The following ELFN1 variants were observed in gnomAD, a reference collection of about 807,000 sequenced individuals.
The protein encoded by ELFN1 is protein ELFN1.
In ELFN1, 6 loss-of-function variants were observed where a neutral mutation model predicts 7.6. That is an observed-to-expected ratio of 0.79 (90% CI 0.43 to 1.56). The LOEUF (loss-of-function observed/expected upper bound fraction) is 1.56. ELFN1 is among the 40% of genes most tolerant of loss of function. The pLI is 0.01. For synonymous variants in ELFN1, 657 were observed against 588.1 expected, an observed-to-expected ratio of 1.12 and a Z score of -1.70; for missense variants, 1,169 against 1,232.2, an observed-to-expected ratio of 0.95 and a Z score of 0.77.
At chr7:1,734,174 C>T (rs1780383708) in intron 3 of ELFN1, among the ~76,000 whole-genome samples, 1 of 152,260 alleles carries the variant, frequency 6.6e-6, no homozygotes, top group Middle Eastern at 3.4e-3. Context: ...GCCAGGCATC[C>T]TTGGACACCT....
intron 1 of ELFN1, among the ~76,000 whole-genome samples, chr7:1,684,238 C>T (rs993041865): frequency 6.6e-6 from 1 of 152,164 alleles, no homozygotes; most frequent in Non-Finnish European, 1.5e-5. Flanking sequence ...TTACTGTTTG[C>T]ATGTATATCT....
At chr7:1,670,141 G>C (rs2128572009), upstream of ELFN1, among the ~76,000 whole-genome samples, 1 of 148,662 alleles carries the variant, frequency 6.7e-6, no homozygotes, top group African/African-American at 2.5e-5. This position sits in a 1 kb window ranked among gnomAD's most constrained non-coding sequence, Gnocchi z 6.4. Context: ...GAGGGAGCGA[G>C]GGAGGGAGAG....
chr7:1,675,451 C>G (rs1213143458), intron 1 of ELFN1, among the ~76,000 whole-genome samples: 2 of 152,270 alleles, frequency 1.3e-5, no homozygotes, highest in Admixed American at 6.5e-5. Flanking sequence ...AGATGATTGA[C>G]AGCCTGGAGG....
chr7:1,738,262 G>GTGA (rs1256892191), intron 3 of ELFN1, among the ~76,000 whole-genome samples: 1 of 152,192 alleles, frequency 6.6e-6, no homozygotes, highest in Non-Finnish European at 1.5e-5. Flanking sequence ...CTCCATCTGG[G>GTGA]TGAGGGGCGT....
chr7:1,746,874 C>A lies in ELFN1; in HGVS notation c.2278C>A (p.Leu760Met). 6.5e-7 allele frequency: 1 copy of A among 1,543,612 alleles called. No homozygotes were observed. Among genetic ancestry groups the A allele is most frequent in the Non-Finnish European group, 8.7e-7 (1 of 1,143,376 alleles). ...YSQLSPQYHS[L>M]SYSSSPEYTC... Reference sequence around the variant, plus strand: ...GCAGCTGTCCCCGCAGTACCACAGCCTGAGCTACTCCTCCAGCCCCGAGTA... The same window carrying A: ...GCAGCTGTCCCCGCAGTACCACAGCATGAGCTACTCCTCCAGCCCCGAGTA... The change falls in exon 4 of 4, where the codon CTG becomes ATG. Residue 760 changes from leucine (L) to methionine (M), a missense_variant. Around this residue, in one of 2 missense-constraint regions of ELFN1, gnomAD observed 914 missense variants for 872.6 expected, o/e 1.05. Transcript: ENST00000424383.
At chr7:1,741,805 C>A (rs143837634) in intron 3 of ELFN1, among the ~76,000 whole-genome samples, 1 of 152,176 alleles carries the variant, frequency 6.6e-6, no homozygotes, top group Non-Finnish European at 1.5e-5. Flanking sequence ...GCCACCCACA[C>A]CTGCCTCCAC....
At chr7:1,707,013 G>A (rs982262715) in intron 2 of ELFN1, among the ~76,000 whole-genome samples, 15 of 152,342 alleles carry the variant, frequency 9.8e-5, no homozygotes, top group East Asian at 5.8e-4. Context: ...TGCAACACAC[G>A]TACACGTGTA....
At chr7:1,687,174 T>C (rs922283062) in intron 1 of ELFN1, among the ~76,000 whole-genome samples, 1 of 152,134 alleles carries the variant, frequency 6.6e-6, no homozygotes, top group African/African-American at 2.4e-5. Context: ...ACTCCACAGA[T>C]TCCCCCTGTC....
At chr7:1,669,275 T>C (rs562367059), upstream of ELFN1, among the ~76,000 whole-genome samples, 5 of 146,072 alleles carry the variant, frequency 3.4e-5, no homozygotes, top group Admixed American at 3.4e-4. Context: ...GCCCAGCTGC[T>C]GGCGGCGAGC....
rs1778815010 is a variant in ELFN1, at chr7:1,673,829, CAAGT to C, written c.-549+3479_-549+3482del. On this transcript the variant is annotated intron_variant, in intron 1 of 3. Coordinates refer to ENST00000424383, the MANE Select transcript of ELFN1 (RefSeq NM_001128636.4). The surrounding 1 kb of genome is among the most constrained non-coding windows in gnomAD (Gnocchi z 4.7). ...TCCAGCATCGCCCGAGGTCACACAG[CAAGT>C]AAGCTGGAGCTGTGGCTGGACCAGG... 1.3e-5 allele frequency among the ~76,000 whole-genome samples: 2 copies of C among 152,326 alleles called. No individual in the cohort carries two copies. The highest frequency in any genetic ancestry group is 3.9e-4 in the East Asian group (2 of 5,188).
intron 1 of ELFN1, among the ~76,000 whole-genome samples, chr7:1,677,444 A>G (rs1778892708): frequency 6.6e-6 from 1 of 152,194 alleles, no homozygotes; most frequent in African/African-American, 2.4e-5. Context: ...CCAAGTGAAT[A>G]TGGGAGCAGG....
At position 1,728,903 on chromosome 7, in the gene ELFN1, T is replaced by TCATCATCTCATGATGTC. The variant is rs572134373; in HGVS notation, c.-293-15385_-293-15369dup. On this transcript the variant is annotated intron_variant, in intron 3 of 3. Coordinates refer to ENST00000424383, the MANE Select transcript of ELFN1 (RefSeq NM_001128636.4). ...CATCTCACTGTCGTGATGGTCCTGT[T>TCATCATCTCATGATGTC]CATCATCTCATGATGTCCATCATCT... Among the ~76,000 whole-genome samples the TCATCATCTCATGATGTC allele has an allele frequency of 6.1e-4, 93 of 152,284 alleles. No individual in the cohort carries two copies. The East Asian group carries it at 0.015, about 25-fold the overall frequency.
At chr7:1,701,048 G>T (rs1779416164) in intron 2 of ELFN1, among the ~76,000 whole-genome samples, 2 of 152,088 alleles carry the variant, frequency 1.3e-5, no homozygotes, top group Admixed American at 1.3e-4. Context: ...TTAATACTTT[G>T]CATGATGTAT....
rs1308554341 is a variant in ELFN1 at position 1,746,426 on chromosome 7, C to T, written c.1830C>T (p.Gly610=). The change falls in exon 4 of 4, where the codon GGC becomes GGT. Residue 610 remains glycine, a synonymous_variant. Transcript: ENST00000424383. ...CCGAGCCGCTGGCCGCCAAGCACGG[C>T]TTCCTGGCGCCCGGGTACAAGGACG... ...LLSEPLAAKH[G]FLAPGYKDAF... is the part of the protein sequence containing the mutation. 6.5e-7 allele frequency: 1 copy of T among 1,532,430 alleles called. No homozygotes were observed. Among genetic ancestry groups the T allele is most frequent in the South Asian group, 1.2e-5 (1 of 83,552 alleles). 94.9% of individuals were successfully genotyped at this position (1,532,430 alleles called of 1,614,324 possible).
At chr7:1,691,044 C>G (rs1284139740) in intron 2 of ELFN1, among the ~76,000 whole-genome samples, 5 of 151,638 alleles carry the variant, frequency 3.3e-5, no homozygotes, top group Admixed American at 3.3e-4. Context: ...TAGAAGTCCC[C>G]CAGGTAAAGA....
chr7:1,697,829 G>T (rs1779350203), intron 2 of ELFN1, among the ~76,000 whole-genome samples: 1 of 152,178 alleles, frequency 6.6e-6, no homozygotes, highest in South Asian at 2.1e-4. Context: ...CTTTCGCCCA[G>T]GCTGGAGTGC....
At chr7:1,684,153 A>C (rs558556506) in intron 1 of ELFN1, among the ~76,000 whole-genome samples, 39 of 152,260 alleles carry the variant, frequency 2.6e-4, no homozygotes, top group East Asian at 1.5e-3. Context: ...CTGTCTCCCC[A>C]AAAAAATTTT....
rs1378601226 is a variant in ELFN1, at chr7:1,705,667, CT to C, written c.-455-3423del. ...CTGTCCCTCTGGGCCCTTGCCCTTT[CT>C]GGCCCTGCCCTTTCTGGCTCATGGC... On this transcript the variant is annotated intron_variant, in intron 2 of 3. Transcript: ENST00000424383. The surrounding 1 kb of genome is among the most constrained non-coding windows in gnomAD (Gnocchi z 4.3). Among the ~76,000 whole-genome samples the C allele has an allele frequency of 6.6e-6, 1 of 152,244 alleles. No individual in the cohort carries two copies. Among genetic ancestry groups the C allele is most frequent in the Non-Finnish European group, 1.5e-5 (1 of 68,050 alleles).
intron 3 of ELFN1, among the ~76,000 whole-genome samples, 198 bp downstream of exon 3, chr7:1,709,450 G>T (rs887643932): frequency 9.9e-5 from 15 of 152,244 alleles, no homozygotes; most frequent in Non-Finnish European, 1.5e-4. Context: ...GTGGACAGAG[G>T]CCGCAGGGGT....
Sources: gnomAD v4.1 joint callset for allele counts (sites outside exome capture counted in the v4.1 genomes callset) on GRCh38, gnomAD v4.1.1 for gene constraint, gnomAD v4.1.1 regional missense constraint, Gnocchi (gnomAD v3.1) non-coding constraint, MANE v1.5 for transcripts, NCBI Gene and HGNC (gene_info 2026-07-23, HGNC 2026-07-21) for gene names.